PRDM11: variants seen among roughly 807,000 people sequenced by gnomAD.
The protein encoded by PRDM11 is PR/SET domain 11, also known as PR domain-containing protein 11.
A neutral mutation model predicts 97.8 loss-of-function variants in PRDM11; 20 were observed. The ratio of observed to expected loss-of-function variants is 0.20; its 90% CI spans 0.14 to 0.30. The LOEUF (loss-of-function observed/expected upper bound fraction) is 0.30, where lower values mean the gene tolerates loss of function less well. PRDM11 is among the 10% of genes least tolerant of loss of function. The pLI, the probability that PRDM11 is intolerant of heterozygous loss-of-function variation, is 1.00. For missense variants in PRDM11, 1,139 were observed against 1,555.2 expected (o/e 0.73, Z 4.50); for synonymous variants, 599 against 637.7 (o/e 0.94, Z 0.91).
chr11:45,125,805 A>G (rs1334174315), intron 1 of PRDM11, among the ~76,000 whole-genome samples: 1 of 152,120 alleles, frequency 6.6e-6, no homozygotes, highest in Non-Finnish European at 1.5e-5. Flanking sequence ...GCTGAAAAAA[A>G]TGTATATTCT....
At chr11:45,212,172 G>C (rs536567682) in intron 5 of PRDM11, among the ~76,000 whole-genome samples, 36 of 152,336 alleles carry the variant, frequency 2.4e-4, no homozygotes, top group South Asian at 8.3e-4. Flanking sequence ...GTCAGGAGCT[G>C]CTGGGTTGGC....
chr11:45,224,332 C>G lies in PRDM11; in HGVS notation c.858C>G (p.Gly286=), dbSNP rs746426679. ...AGGGCAAAAGTCCCTACAAGCGTGG[C>G]TTTGATGAGGGGGATGTACACCCCC... is the stretch of plus-strand genomic sequence containing the variant. ...LRQGKSPYKR[G]FDEGDVHPQA... Residue 286 remains glycine (G), a synonymous_variant, in exon 7 of 8, where the codon GGC becomes GGG. Coordinates refer to ENST00000683152, the MANE Select transcript of PRDM11 (RefSeq NM_001384648.1). The G allele has an allele frequency of 6.2e-7, 1 of 1,614,126 alleles. No individual in the cohort carries two copies. Among genetic ancestry groups the G allele is most frequent in the South Asian group, 1.1e-5 (1 of 91,072 alleles).
At chr11:45,158,325 TCCAC>T (rs1398751126) in intron 1 of PRDM11, among the ~76,000 whole-genome samples, 1 of 152,114 alleles carries the variant, frequency 6.6e-6, no homozygotes, top group Non-Finnish European at 1.5e-5. Context: ...CTGCCCCACC[TCCAC>T]CCTCCTCTGG....
chr11:45,207,759 G>A (rs1853569121), intron 5 of PRDM11, among the ~76,000 whole-genome samples: 1 of 152,144 alleles, frequency 6.6e-6, no homozygotes, highest in African/African-American at 2.4e-5. Context: ...GGGTAATGAG[G>A]CCCCCAGCCT....
At position 45,208,714 on chromosome 11, in the gene PRDM11, A is replaced by G. The variant is rs374974479; in HGVS notation, c.554+3936A>G. Among the ~76,000 whole-genome samples the G allele has an allele frequency of 3.3e-5, 5 of 151,862 alleles. No individual in the cohort carries two copies. The East Asian group carries it at 7.8e-4, about 24-fold the overall frequency. Reference sequence around the variant, plus strand: ...CTTCTTTCCACCCTCCCCTCCGAGGAGTAGTGGAAGGGACCTCTCAGTAGG... The same window carrying G: ...CTTCTTTCCACCCTCCCCTCCGAGGGGTAGTGGAAGGGACCTCTCAGTAGG... On this transcript the variant is annotated intron_variant, in intron 5 of 7. Transcript: ENST00000683152.
intron 4 of PRDM11, among the ~76,000 whole-genome samples, chr11:45,194,978 A>G (rs956086295): frequency 2.0e-5 from 3 of 151,880 alleles, no homozygotes; most frequent in Non-Finnish European, 4.4e-5. Flanking sequence ...CAGGTCATTT[A>G]TGGGGCCAGG....
rs745916522 is a variant in PRDM11, at chr11:45,233,065, A to G, written c.*4906A>G. 11 of 152,218 alleles carry G rather than the reference A, an allele frequency of 7.2e-5. No individual in the cohort carries two copies. Among genetic ancestry groups the G allele is most frequent in the Non-Finnish European group, 1.2e-4 (8 of 68,046 alleles). The allele number at this position is 152,218 out of a possible 1,614,324, so 9.4% of individuals were successfully genotyped here. On this transcript the variant is annotated 3_prime_UTR_variant, in exon 8 of 8. Transcript: ENST00000683152. ...ATATGGACATATACAGTACGTATAC[A>G]CACAGAGTAAGAGAGTAAATCACGT...
At chr11:45,223,467 A>C (rs1854174579) in intron 6 of PRDM11, among the ~76,000 whole-genome samples, 1 of 152,180 alleles carries the variant, frequency 6.6e-6, no homozygotes, top group African/African-American at 2.4e-5. Flanking sequence ...AAGTGAGGAG[A>C]CATGGCTATA....
At chr11:45,151,257 A>G (rs964871311) in intron 1 of PRDM11, among the ~76,000 whole-genome samples, 1 of 152,194 alleles carries the variant, frequency 6.6e-6, no homozygotes, top group Admixed American at 6.5e-5. Context: ...ACAGAGCCCC[A>G]TGTTCTCAGA....
intron 2 of PRDM11, 70 bp from the exon 3 acceptor site, chr11:45,182,176 T>A: frequency 7.1e-7 from 1 of 1,404,860 alleles, no homozygotes; most frequent in Non-Finnish European, 1.0e-6. Flanking sequence ...GGTCCCCAGC[T>A]TTTGTCCCCA....
chr11:45,204,764 A>G lies in PRDM11; in HGVS notation c.540A>G (p.Lys180=), dbSNP rs1247455269. 6.2e-7 allele frequency: 1 copy of G among 1,611,734 alleles called. No homozygotes were observed. Among genetic ancestry groups the G allele is most frequent in the African/African-American group, 1.3e-5 (1 of 74,980 alleles). The change falls in exon 5 of 8, where the codon AAA becomes AAG. Residue 180 remains lysine (K), a synonymous_variant. Coordinates refer to ENST00000683152, the MANE Select transcript of PRDM11 (RefSeq NM_001384648.1). ...YKSIDGSDET[K]ANWMRYVVIS... is the part of the protein sequence containing the mutation. ...CCATAGATGGCTCAGACGAGACCAA[A>G]GCCAACTGGATGAGGTGAGCCCTGC...
At chr11:45,224,967 G>A (rs565282569) in intron 7 of PRDM11, 124 bp downstream of exon 7, 63 of 1,547,042 alleles carry the variant, frequency 4.1e-5, no homozygotes, top group South Asian at 3.4e-4. Flanking sequence ...ACGTGGAGGC[G>A]GCTACCTCCG....
chr11:45,155,478 G>A (rs10742744), intron 1 of PRDM11, among the ~76,000 whole-genome samples: 137,932 of 152,164 alleles, frequency 0.91, 63,409 homozygotes, highest in Non-Finnish European at 0.98. Context: ...GGTTGGCTGG[G>A]GCTTGTCCCT....
chr11:45,167,864 G>A (rs974700956), intron 1 of PRDM11, among the ~76,000 whole-genome samples: 1 of 151,914 alleles, frequency 6.6e-6, no homozygotes, highest in African/African-American at 2.4e-5. Flanking sequence ...TGTTGCTGGA[G>A]GTACTTATGC....
At chr11:45,189,721 G>C (rs192320832) in intron 4 of PRDM11, among the ~76,000 whole-genome samples, 2 of 152,160 alleles carry the variant, frequency 1.3e-5, no homozygotes, top group African/African-American at 4.8e-5. Context: ...GAAAGTGGAC[G>C]TGCCAGAGCT....
intron 1 of PRDM11, among the ~76,000 whole-genome samples, chr11:45,113,605 G>A (rs1852231994): frequency 6.6e-6 from 1 of 152,026 alleles, no homozygotes; most frequent in South Asian, 2.1e-4. Context: ...CCATTTGTTT[G>A]TGTTATCTAT....
chr11:45,111,625 G>T (rs188274235), intron 1 of PRDM11, among the ~76,000 whole-genome samples: 1 of 152,186 alleles, frequency 6.6e-6, no homozygotes, highest in East Asian at 1.9e-4. Flanking sequence ...ACAATAACAG[G>T]GCCCCAAATC....
chr11:45,224,113 AG>A (rs1391847246), intron 6 of PRDM11, 103 bp from the exon 7 acceptor site: 1 of 1,350,392 alleles, frequency 7.4e-7, no homozygotes, highest in African/African-American at 1.5e-5. Context: ...CCAGATCTAG[AG>A]GGATGTGTCA....
chr11:45,145,282 G>T (rs947727127), upstream of PRDM11, among the ~76,000 whole-genome samples: 5 of 152,200 alleles, frequency 3.3e-5, no homozygotes, highest in Non-Finnish European at 7.3e-5. Context: ...ATTCCAAGAA[G>T]CTGTGTTTGT....
Sources: gnomAD v4.1 joint callset for allele counts (sites outside exome capture counted in the v4.1 genomes callset) on GRCh38, gnomAD v4.1.1 for gene constraint, MANE v1.5 for transcripts, NCBI Gene and HGNC (gene_info 2026-07-23, HGNC 2026-07-21) for gene names.